Variants in NRXN2 observed in about 807,000 individuals in gnomAD.
NRXN2 encodes neurexin 2, also known as neurexin-2-beta.
Under a neutral mutation model 128.8 loss-of-function variants are expected in NRXN2, and 29 were observed. The observed-to-expected ratio is 0.23, with a 90% confidence interval of 0.17 to 0.31. NRXN2 has a LOEUF of 0.31. Among genes scored for constraint, NRXN2 ranks in the 10% least tolerant of loss-of-function variants. NRXN2 has a pLI of 1.00. For missense variants in NRXN2, 1,881 were observed against 2,452.6 expected (o/e 0.77, Z 4.92); for synonymous variants, 1,098 against 1,075.2 (o/e 1.02, Z -0.41).
At position 64,648,779 on chromosome 11, in the gene NRXN2, C is replaced by T. The variant is rs1198639219; in HGVS notation, c.3238G>A (p.Ala1080Thr). The T allele has an allele frequency of 4.3e-6, 7 of 1,614,030 alleles. No homozygotes were observed. In the African/African-American group the frequency reaches 5.3e-5, roughly 12 times the overall value. Residue 1080 changes from alanine (A) to threonine (T), a missense_variant, in exon 16 of 23, where the codon GCC (alanine) becomes ACC (threonine). Ala to Thr is a moderately conservative substitution (Grantham distance 58). This residue lies in a region of NRXN2 where 390 missense variants were observed against 599.6 expected (regional missense o/e 0.65). Transcript: ENST00000265459. This position sits in a 1 kb window ranked among gnomAD's most constrained non-coding sequence, Gnocchi z 4.1. ...DLNGRLPDLI[A>T]DALHRIGQVE... Reference sequence around the variant, plus strand: ...TGCCCAATGCGGTGCAGGGCGTCGGCGATGAGGTCTGGGAGACGTCCGTTG... The same window carrying T: ...TGCCCAATGCGGTGCAGGGCGTCGGTGATGAGGTCTGGGAGACGTCCGTTG...
chr11:64,711,487 C>T (rs1348522493), intron 2 of NRXN2, among the ~76,000 whole-genome samples: 1 of 152,164 alleles, frequency 6.6e-6, no homozygotes, highest in African/African-American at 2.4e-5. Flanking sequence ...CTCCTCAGCG[C>T]CCCCTGCCCC....
intron 11 of NRXN2, among the ~76,000 whole-genome samples, chr11:64,659,069 G>T (rs974213086): frequency 4.6e-5 from 7 of 152,200 alleles, no homozygotes; most frequent in African/African-American, 1.7e-4. Context: ...CTCCAGTCGA[G>T]GATTCTAACC....
At chr11:64,656,373 G>A (rs1045224766) in intron 11 of NRXN2, among the ~76,000 whole-genome samples, 45 of 94,290 alleles carry the variant, frequency 4.8e-4, no homozygotes, top group Non-Finnish European at 8.0e-4. Flanking sequence ...GATTCCAAGG[G>A]GCAGAACTAA....
intron 7 of NRXN2, among the ~76,000 whole-genome samples, chr11:64,672,387 C>A (rs2050751446): frequency 6.6e-6 from 1 of 152,226 alleles, no homozygotes; most frequent in Admixed American, 6.5e-5. Flanking sequence ...GGGGAAGTAT[C>A]CTTCTGCCAT....
rs1258355760 is a variant in NRXN2 at position 64,630,964 on chromosome 11, A to C, written c.3586-391T>G. On this transcript the variant is annotated intron_variant, in intron 18 of 22. Transcript: ENST00000265459. The surrounding 1 kb of genome is among the most constrained non-coding windows in gnomAD (Gnocchi z 4.6). ...GAGGCCTCTCTAAGGCAAGATCAGCAGAGAAGTCCACAGAAGCCGGCCTCT... is the reference window on the plus strand; with the variant it reads ...GAGGCCTCTCTAAGGCAAGATCAGCCGAGAAGTCCACAGAAGCCGGCCTCT... Among the ~76,000 whole-genome samples the C allele has an allele frequency of 1.3e-5, 2 of 152,222 alleles. No individual in the cohort carries two copies. The highest frequency in any genetic ancestry group is 4.8e-5 in the African/African-American group (2 of 41,462).
rs771669509 is a variant in NRXN2 at position 64,685,953 on chromosome 11, T to A, written c.851-6A>T. 8 of 1,614,174 alleles carry A rather than the reference T, an allele frequency of 5.0e-6. No homozygotes were observed. Among genetic ancestry groups the A allele is most frequent in the Non-Finnish European group, 6.8e-6 (8 of 1,180,032 alleles). The stretch of plus-strand genomic sequence containing the variant: ...CGCCACAAACTCCTCCTTGCCTGGA[T>A]GCCGTGGTGTGGGGAAACGGGAGAA... On this transcript the variant is annotated splice_region_variant and splice_polypyrimidine_tract_variant and intron_variant, in intron 5 of 22. Transcript: ENST00000265459.
At chr11:64,693,196 G>A (rs946819537) in intron 3 of NRXN2, among the ~76,000 whole-genome samples, 1 of 151,414 alleles carries the variant, frequency 6.6e-6, no homozygotes, top group African/African-American at 2.4e-5. Context: ...AGGGGGCGGG[G>A]GGCACTGCAG....
chr11:64,661,247 C>T, intron 9 of NRXN2, 108 bp from the exon 10 acceptor site: 1 of 1,573,306 alleles, frequency 6.4e-7, no homozygotes, highest in African/African-American at 1.3e-5. Flanking sequence ...CACCTTGTGC[C>T]CTGCAGCAGG....
At chr11:64,716,939 C>G (rs1382299686) in intron 1 of NRXN2, among the ~76,000 whole-genome samples, 6 of 152,104 alleles carry the variant, frequency 3.9e-5, no homozygotes, top group Non-Finnish European at 7.4e-5. Context: ...CTTTCCCCTC[C>G]CTGCGCCTCT....
At chr11:64,703,513 G>C (rs1489455345) in intron 2 of NRXN2, among the ~76,000 whole-genome samples, 1 of 152,294 alleles carries the variant, frequency 6.6e-6, no homozygotes, top group Middle Eastern at 3.4e-3. Flanking sequence ...AGTGGGCTAC[G>C]TGCTTAGCCT....
chr11:64,671,039 T>C (rs912294612), intron 7 of NRXN2, among the ~76,000 whole-genome samples: 1 of 152,130 alleles, frequency 6.6e-6, no homozygotes, highest in African/African-American at 2.4e-5. Context: ...GGTGACAGTG[T>C]GGGGTAGAGA....
rs373168533 is a variant in NRXN2 at position 64,690,583 on chromosome 11, G to A, written c.779-107C>T. The stretch of plus-strand genomic sequence containing the variant: ...TCCAGGGTGGAGGTGCTGCTTGCAC[G>A]GACAGGGGAGGAGAGGCTTTTCTGG... On this transcript the variant is annotated intron_variant, in intron 4 of 22. Coordinates refer to ENST00000265459, the MANE Select transcript of NRXN2 (RefSeq NM_015080.4). The A allele has an allele frequency of 4.4e-5, 43 of 978,254 alleles. No individual in the cohort carries two copies. The East Asian group carries it at 5.1e-4, about 12-fold the overall frequency. 60.6% of individuals were successfully genotyped at this position (978,254 alleles called of 1,614,324 possible).
At chr11:64,696,611 C>T (rs2054585777) in intron 3 of NRXN2, among the ~76,000 whole-genome samples, 1 of 151,612 alleles carries the variant, frequency 6.6e-6, no homozygotes, top group Non-Finnish European at 1.5e-5. Context: ...GGAAAAGAGA[C>T]ATCCAAGAGA....
At chr11:64,609,516 C>G (rs1417381144) in intron 22 of NRXN2, among the ~76,000 whole-genome samples, 2 of 152,218 alleles carry the variant, frequency 1.3e-5, no homozygotes, top group Admixed American at 6.5e-5. Flanking sequence ...TGGGCAGAAA[C>G]TGCAATTCCC....
intron 22 of NRXN2, among the ~76,000 whole-genome samples, chr11:64,618,154 T>G (rs1175727517): frequency 4.6e-5 from 7 of 152,170 alleles, no homozygotes; most frequent in African/African-American, 1.7e-4. Flanking sequence ...TCTGCCCTAA[T>G]GCAGCCTAAA....
chr11:64,636,107 G>A (rs922120309), intron 17 of NRXN2, among the ~76,000 whole-genome samples: 26 of 152,066 alleles, frequency 1.7e-4, no homozygotes, highest in Non-Finnish European at 1.5e-5. Flanking sequence ...CATGAGGTGG[G>A]GGTGGGGGAG....
rs1374709839 is a variant in NRXN2 at position 64,692,944 on chromosome 11, A to G, written c.749-68T>C. 6 of 1,357,434 alleles carry G rather than the reference A, an allele frequency of 4.4e-6. No homozygotes were observed. The African/African-American group carries it at 5.8e-5, about 13-fold the overall frequency. The allele number at this position is 1,357,434 out of a possible 1,614,324, so 84.1% of individuals were successfully genotyped here. On this transcript the variant is annotated intron_variant, in intron 3 of 22. Coordinates refer to ENST00000265459, the MANE Select transcript of NRXN2 (RefSeq NM_015080.4). ...GAAGAAAAAAGAAAGAAAAGGGGAA[A>G]GAAACAAAGAAAACACGAGTCATCA... is the stretch of plus-strand genomic sequence containing the variant.
intron 22 of NRXN2, among the ~76,000 whole-genome samples, chr11:64,609,067 T>A (rs987601504): frequency 1.3e-5 from 2 of 151,526 alleles, no homozygotes; most frequent in Non-Finnish European, 2.9e-5. Context: ...AGGAGTTGGA[T>A]ACCACTGGAG....
At position 64,622,106 on chromosome 11, in the gene NRXN2, G is replaced by A. The variant is rs879775467; in HGVS notation, c.4173+647C>T. ...TGTCTGCACTGAGACCCCCTCAGAC[G>A]CACAGACGGAGAGGACACTGAAGCT... is the stretch of plus-strand genomic sequence containing the variant. On this transcript the variant is annotated intron_variant, in intron 21 of 22. Coordinates refer to ENST00000265459, the MANE Select transcript of NRXN2 (RefSeq NM_015080.4). This position sits in a 1 kb window ranked among gnomAD's most constrained non-coding sequence, Gnocchi z 4.3. Among the ~76,000 whole-genome samples the A allele has an allele frequency of 1.3e-5, 2 of 152,194 alleles. No individual in the cohort carries two copies. Among genetic ancestry groups the A allele is most frequent in the Non-Finnish European group, 2.9e-5 (2 of 68,022 alleles).
Sources: gnomAD v4.1 joint callset for allele counts (sites outside exome capture counted in the v4.1 genomes callset) on GRCh38, gnomAD v4.1.1 for gene constraint, gnomAD v4.1.1 regional missense constraint, Gnocchi (gnomAD v3.1) non-coding constraint, MANE v1.5 for transcripts, NCBI Gene and HGNC (gene_info 2026-07-23, HGNC 2026-07-21) for gene names.